ZSCAN4: variants seen among roughly 807,000 people sequenced by gnomAD.
ZSCAN4 encodes the protein zinc finger and SCAN domain-containing protein 4.
A neutral mutation model predicts 18.3 loss-of-function variants in ZSCAN4; 18 were observed. That is an observed-to-expected ratio of 0.98 (90% CI 0.68 to 1.46). The LOEUF is 1.46. ZSCAN4 is among the 40% of genes most tolerant of loss of function. The pLI, the probability that ZSCAN4 is intolerant of heterozygous loss-of-function variation, is 0.00. For synonymous variants in ZSCAN4, 193 were observed against 180.3 expected (o/e 1.07, Z -0.57); for missense variants, 498 against 511.4 (o/e 0.97, Z 0.25).
At chr19:57,678,548 A>C (rs1984263424) in exon 5 of ZSCAN4, 3 of 1,614,022 alleles carry the variant, frequency 1.9e-6, no homozygotes, top group African/African-American at 1.3e-5. Context: ...ACAAATGTGA[A>C]GAATGCCCCA....
chr19:57,663,736 T>A, the ZSCAN4 span, among the ~76,000 whole-genome samples: 1 of 148,852 alleles, frequency 6.7e-6, no homozygotes, highest in South Asian at 2.1e-4. Flanking sequence ...AAGCTATTGG[T>A]AATTGAATTT....
At chr19:57,672,353 C>A (rs1984048694) in intron 2 of ZSCAN4, among the ~76,000 whole-genome samples, 1 of 152,050 alleles carries the variant, frequency 6.6e-6, no homozygotes. Context: ...AGTGGCCTTG[C>A]AGATGTCTGT....
chr19:57,658,833 C>CAAAAA, the ZSCAN4 span, among the ~76,000 whole-genome samples: 6 of 68,654 alleles, frequency 8.7e-5, no homozygotes, highest in African/African-American at 1.8e-4. Context: ...GACTGTGTCT[C>CAAAAA]AAAAAAAAAA....
At chr19:57,678,013 A>G in exon 4 of ZSCAN4, 2 of 1,602,844 alleles carry the variant, frequency 1.2e-6, no homozygotes, top group Non-Finnish European at 1.7e-6. Flanking sequence ...TGCCCAAACC[A>G]CAAGAGAAGC....
chr19:57,674,177 T>C (rs1984108350), intron 2 of ZSCAN4, among the ~76,000 whole-genome samples: 1 of 152,218 alleles, frequency 6.6e-6, no homozygotes, highest in Non-Finnish European at 1.5e-5. Flanking sequence ...TGGTGAATAT[T>C]TTATTTTATT....
the ZSCAN4 span, among the ~76,000 whole-genome samples, chr19:57,653,874 C>A: frequency 5.9e-5 from 9 of 152,198 alleles, no homozygotes; most frequent in Admixed American, 1.3e-4. Context: ...CTGTGCTCAG[C>A]AAGACGCTTC....
At chr19:57,660,911 A>C in the ZSCAN4 span, among the ~76,000 whole-genome samples, 1 of 152,146 alleles carries the variant, frequency 6.6e-6, no homozygotes, top group East Asian at 1.9e-4. Flanking sequence ...AATCCTTCAG[A>C]TCAGGATAAA....
chr19:57,670,519 C>T (rs567462338), exon 2 of ZSCAN4: 10 of 152,362 alleles, frequency 6.6e-5, no homozygotes, highest in African/African-American at 2.4e-4. Flanking sequence ...GAAAGCTAGT[C>T]ACACATCAGC....
At chr19:57,673,088 G>A (rs993605812) in intron 2 of ZSCAN4, among the ~76,000 whole-genome samples, 1 of 151,648 alleles carries the variant, frequency 6.6e-6, no homozygotes, top group African/African-American at 2.4e-5. Context: ...TCACTCTGTC[G>A]CCCAGGCTGG....
intron 2 of ZSCAN4, among the ~76,000 whole-genome samples, chr19:57,675,141 CTTTTTTTTTTTTTTT>C (rs1171741360): frequency 1.3e-5 from 1 of 78,074 alleles, no homozygotes; most frequent in Non-Finnish European, 2.3e-5. Flanking sequence ...GTGCGTGTGG[CTTTTTTTTTTTTTTT>C]TTTTTTTTTG....
intron 2 of ZSCAN4, among the ~76,000 whole-genome samples, chr19:57,673,451 C>A (rs193239360): frequency 6.6e-6 from 1 of 152,020 alleles, no homozygotes; most frequent in Non-Finnish European, 1.5e-5. Flanking sequence ...GACAAAATAG[C>A]GAGACCAAGT....
chr19:57,678,942 AGT>A, exon 5 of ZSCAN4: 2 of 1,526,118 alleles, frequency 1.3e-6, no homozygotes, highest in Non-Finnish European at 1.8e-6. Context: ...TATGTATGCA[AGT>A]ATGTATATTC....
chr19:57,656,261 C>T, the ZSCAN4 span, among the ~76,000 whole-genome samples: 1 of 152,184 alleles, frequency 6.6e-6, no homozygotes, highest in African/African-American at 2.4e-5. Flanking sequence ...AGGTGGCCCA[C>T]AACATCCCAT....
At chr19:57,664,658 G>C (rs1266639708), upstream of ZSCAN4, 1 of 212,606 alleles carries the variant, frequency 4.7e-6, no homozygotes. Flanking sequence ...GTCTCCTGCG[G>C]AGAATTCCAA....
upstream of ZSCAN4, among the ~76,000 whole-genome samples, chr19:57,667,188 C>T (rs1021883589): frequency 3.3e-5 from 5 of 152,084 alleles, no homozygotes; most frequent in African/African-American, 1.2e-4. Context: ...TTGTTTTGTG[C>T]CTGTTTATTC....
At position 57,676,137 on chromosome 19, in the gene ZSCAN4, T is replaced by C. The variant is rs949799932; in HGVS notation, c.-9T>C. The C allele has an allele frequency of 3.8e-6, 6 of 1,592,790 alleles. No individual in the cohort carries two copies. In the Admixed American group the frequency reaches 8.9e-5, roughly 24 times the overall value. On this transcript the variant is annotated 5_prime_UTR_variant, in exon 3 of 5. Coordinates refer to ENST00000318203, the Ensembl canonical transcript of ZSCAN4. ...CAAAGTAAAGTCTCTCTGAGAATTA[T>C]TGCTAAGAATGGCTTTAGATCTAAG...
chr19:57,663,936 G>A (rs1983783780), upstream of ZSCAN4, among the ~76,000 whole-genome samples: 1 of 152,108 alleles, frequency 6.6e-6, no homozygotes, highest in Non-Finnish European at 1.5e-5. Flanking sequence ...AGACCAGCCT[G>A]ACCAACATGG....
the ZSCAN4 span, among the ~76,000 whole-genome samples, chr19:57,658,325 G>C: frequency 2.0e-5 from 3 of 152,168 alleles, no homozygotes; most frequent in Non-Finnish European, 4.4e-5. Flanking sequence ...TCTGGGCCTA[G>C]GAGGAAGGGG....
At position 57,670,469 on chromosome 19, in the gene ZSCAN4, G is replaced by T. The variant is rs1983985460; in HGVS notation, c.-204G>T. The T allele has an allele frequency of 6.6e-6, 1 of 152,210 alleles. No individual in the cohort carries two copies. The highest frequency in any genetic ancestry group is 6.5e-5 in the Admixed American group (1 of 15,282). The allele number at this position is 152,210 out of a possible 1,614,324, so 9.4% of individuals were successfully genotyped here. ...ATCACTGATCCCAGCCCCTATAAAAGGGAGCAGCCTTAGGAGGCACATCAG... is the reference window on the plus strand; with the variant it reads ...ATCACTGATCCCAGCCCCTATAAAATGGAGCAGCCTTAGGAGGCACATCAG... On this transcript the variant is annotated 5_prime_UTR_variant, in exon 2 of 5. In the 5' UTR this introduces an upstream ATG that the reference lacks. Transcript: ENST00000318203.
Sources: gnomAD v4.1 joint callset for allele counts (sites outside exome capture counted in the v4.1 genomes callset) on GRCh38, gnomAD v4.1.1 for gene constraint, MANE v1.5 for transcripts, NCBI Gene and HGNC (gene_info 2026-07-23, HGNC 2026-07-21) for gene names.